ELOVL7: variants seen among roughly 807,000 people sequenced by gnomAD.
The protein encoded by ELOVL7 is ELOVL fatty acid elongase 7.
ELOVL7 carries 27 observed loss-of-function variants against 35.7 expected under a neutral mutation model. The observed-to-expected ratio is 0.76, with a 90% CI of 0.56 to 1.04. ELOVL7 has a LOEUF of 1.04. ELOVL7 is among the 50% of genes least tolerant of loss of function. The pLI, the probability that ELOVL7 is intolerant of heterozygous loss-of-function variation, is 0.00. For missense variants in ELOVL7, 327 were observed against 340.8 expected, an observed-to-expected ratio of 0.96 and a Z score of 0.32; for synonymous variants, 113 against 114.6, an observed-to-expected ratio of 0.99 and a Z score of 0.09.
chr5:60,786,735 A>G (rs894558267), intron 3 of ELOVL7, among the ~76,000 whole-genome samples: 2 of 152,058 alleles, frequency 1.3e-5, no homozygotes, highest in South Asian at 4.2e-4. Flanking sequence ...TCACGAGGTC[A>G]GGAGATCAAG....
At chr5:60,765,136 C>T (rs1300862205) in intron 6 of ELOVL7, among the ~76,000 whole-genome samples, 1 of 152,166 alleles carries the variant, frequency 6.6e-6, no homozygotes, top group Non-Finnish European at 1.5e-5. Flanking sequence ...CTTACGGAAG[C>T]TGGAACTGAG....
chr5:60,830,751 C>T (rs1443264943), intron 1 of ELOVL7, among the ~76,000 whole-genome samples: 2 of 152,006 alleles, frequency 1.3e-5, no homozygotes, highest in Non-Finnish European at 2.9e-5. Context: ...GACTGTTGTG[C>T]AACCATCACT....
At chr5:60,760,350 A>G (rs962554577) in intron 7 of ELOVL7, among the ~76,000 whole-genome samples, 12 of 152,278 alleles carry the variant, frequency 7.9e-5, no homozygotes, top group African/African-American at 2.9e-4. Flanking sequence ...GTGAGACAGT[A>G]TCTCATTGTG....
chr5:60,808,812 T>A (rs981573978), intron 1 of ELOVL7, among the ~76,000 whole-genome samples: 11 of 152,216 alleles, frequency 7.2e-5, no homozygotes, highest in African/African-American at 2.7e-4. Flanking sequence ...AGGCTGCTGA[T>A]ACAACATGGA....
intron 1 of ELOVL7, among the ~76,000 whole-genome samples, chr5:60,834,840 TA>T (rs1457642157): frequency 6.6e-6 from 1 of 150,522 alleles, no homozygotes; most frequent in African/African-American, 2.5e-5. Context: ...TTAGATACTA[TA>T]AACACTTACT....
Position 60,757,366 on chromosome 5 carries a change from A to G in ELOVL7, c.636+143T>C, listed in dbSNP as rs553467724. 1.2e-4 allele frequency: 85 copies of G among 683,658 alleles called. No individual in the cohort carries two copies. The East Asian group carries it at 2.1e-3, about 17-fold the overall frequency. The allele number at this position is 683,658 out of a possible 1,614,324, so 42.3% of individuals were successfully genotyped here. A position where few individuals can be genotyped will look rare whatever the true frequency, so the allele number is the denominator to read the frequency against. On this transcript the variant is annotated intron_variant, in intron 8 of 8. Coordinates refer to ENST00000508821, the MANE Select transcript of ELOVL7 (RefSeq NM_024930.3). ...AAGTTCATCTAACATATTAAGAACC[A>G]TGATGGCATATCATGTAGGGGCCAG... is the stretch of plus-strand genomic sequence containing the variant.
chr5:60,760,934 A>C (rs1741872082), intron 7 of ELOVL7, among the ~76,000 whole-genome samples: 1 of 152,214 alleles, frequency 6.6e-6, no homozygotes, highest in Non-Finnish European at 1.5e-5. Context: ...GCACTAGTGT[A>C]GCCAAGAGTG....
At chr5:60,812,570 A>C (rs1199388725) in intron 1 of ELOVL7, among the ~76,000 whole-genome samples, 1 of 152,252 alleles carries the variant, frequency 6.6e-6, no homozygotes, top group African/African-American at 2.4e-5. Flanking sequence ...ACTGTGATTT[A>C]GCATGGCAGG....
chr5:60,754,927 G>T, intron 8 of ELOVL7, 94 bp from the exon 9 acceptor site: 1 of 998,304 alleles, frequency 1.0e-6, no homozygotes, highest in Non-Finnish European at 1.5e-6. Flanking sequence ...AGTGCAGGGA[G>T]TGCACTATTG....
chr5:60,778,149 C>A (rs1480286672), intron 3 of ELOVL7, among the ~76,000 whole-genome samples: 1 of 152,146 alleles, frequency 6.6e-6, no homozygotes, highest in Non-Finnish European at 1.5e-5. Context: ...TTAACAATGG[C>A]AAGCTTTCTA....
Position 60,761,957 on chromosome 5 carries a change from G to A in ELOVL7, c.499+2270C>T, listed in dbSNP as rs138212650. 3.8e-3 allele frequency among the ~76,000 whole-genome samples: 583 copies of A among 152,122 alleles called. 3 individuals are homozygous for A. Among genetic ancestry groups the A allele is most frequent in the African/African-American group, 0.013 (543 of 41,494 alleles). ...CCTTCTGTAAGATCGAAGGGGGCTC[G>A]GTTAGTTTCTGCTAGTGTGGAGATA... is the stretch of plus-strand genomic sequence containing the variant. On this transcript the variant is annotated intron_variant, in intron 7 of 8. Transcript: ENST00000508821.
chr5:60,767,823 C>A lies in ELOVL7; in HGVS notation c.336G>T (p.Arg112Ser). 1 of 1,612,204 alleles carries A rather than the reference C, an allele frequency of 6.2e-7. No homozygotes were observed. Among genetic ancestry groups the A allele is most frequent in the Non-Finnish European group, 8.5e-7 (1 of 1,178,542 alleles). Reference protein sequence around the residue: ...VDYSRSPTALRMARTCWLYYF... With the variant: ...VDYSRSPTALSMARTCWLYYF... ...CAAGTTTTTCCAAAGAGAAACTTAC[C>A]CTCAAAGCTGTGGGTGACCGTGAAT... Residue 112 changes from arginine to serine, a missense_variant and splice_region_variant, in exon 5 of 9, where the codon AGG becomes AGT. Coordinates refer to ENST00000508821, the MANE Select transcript of ELOVL7 (RefSeq NM_024930.3).
chr5:60,822,883 T>C (rs762152596), intron 1 of ELOVL7, among the ~76,000 whole-genome samples: 2 of 151,642 alleles, frequency 1.3e-5, no homozygotes, highest in Non-Finnish European at 2.9e-5. Flanking sequence ...ATCAGAGAGG[T>C]TCAGTGCATA....
rs558877940 is a variant in ELOVL7, at chr5:60,787,726, C to T, written c.-34-295G>A. On this transcript the variant is annotated intron_variant, in intron 2 of 8. Transcript: ENST00000508821. ...CTAAGAACTTTCATAGGAGCAGCTC[C>T]CTTTTATGCTGACAACATAATTCAG... Among the ~76,000 whole-genome samples, 6 of 152,272 alleles carry T rather than the reference C, an allele frequency of 3.9e-5. No individual in the cohort carries two copies. In the South Asian group the frequency reaches 1.2e-3, roughly 32 times the overall value.
chr5:60,836,708 A>G lies in ELOVL7; in HGVS notation c.-86+7452T>C, dbSNP rs569854407. 7.2e-5 allele frequency among the ~76,000 whole-genome samples: 11 copies of G among 152,124 alleles called. No individual in the cohort carries two copies. The East Asian group carries it at 1.9e-3, about 27-fold the overall frequency. On this transcript the variant is annotated intron_variant, in intron 1 of 8. Transcript: ENST00000508821. The stretch of plus-strand genomic sequence containing the variant: ...ATTAAAATAAACACACAAACAAATC[A>G]CAAGCGTGCTATTAGGACAAAACCC...
intron 5 of ELOVL7, 91 bp from the exon 6 acceptor site, chr5:60,766,721 T>C (rs1742261192): frequency 9.3e-7 from 1 of 1,073,084 alleles, no homozygotes; most frequent in South Asian, 1.5e-5. Flanking sequence ...TACCATAAAA[T>C]CTGTCATGTC....
chr5:60,775,153 C>T (rs1466719851), intron 3 of ELOVL7, among the ~76,000 whole-genome samples: 1 of 152,150 alleles, frequency 6.6e-6, no homozygotes, highest in Non-Finnish European at 1.5e-5. Context: ...TGCACCAAAG[C>T]ATTATCCTTA....
At chr5:60,799,252 A>C (rs1561451482) in intron 1 of ELOVL7, 22 bp from the exon 2 acceptor site, 1 of 152,122 alleles carries the variant, frequency 6.6e-6, no homozygotes, top group Non-Finnish European at 1.5e-5. Flanking sequence ...AAGAAAAAAA[A>C]CTTCAAATAA....
chr5:60,820,735 G>A (rs145499817), intron 1 of ELOVL7, among the ~76,000 whole-genome samples: 1 of 152,240 alleles, frequency 6.6e-6, no homozygotes, highest in Non-Finnish European at 1.5e-5. Flanking sequence ...GAAACTGTGA[G>A]CCATCCTTAA....
Sources: allele counts gnomAD v4.1 joint callset (sites outside exome capture counted in the v4.1 genomes callset), GRCh38; gene constraint gnomAD v4.1.1; transcripts MANE v1.5; gene names NCBI Gene and HGNC (gene_info 2026-07-23, HGNC 2026-07-21).